CLOCK: variants seen among roughly 807,000 people sequenced by gnomAD.
The protein encoded by CLOCK is circadian locomoter output cycles protein kaput.
Under a neutral mutation model 118.4 loss-of-function variants are expected in CLOCK, and 43 were observed. That is an observed-to-expected ratio of 0.36 (90% confidence interval 0.28 to 0.47). CLOCK has a LOEUF of 0.47. Among genes scored for constraint, CLOCK ranks in the 20% least tolerant of loss-of-function variants. The pLI, the probability that CLOCK is intolerant of heterozygous loss-of-function variation, is 1.00. For synonymous variants in CLOCK, 326 were observed against 339.2 expected (o/e 0.96, Z 0.43); for missense variants, 846 against 999.9 (o/e 0.85, Z 2.08).
intron 9 of CLOCK, among the ~76,000 whole-genome samples, chr4:55,462,207 A>G (rs944514700): frequency 6.6e-6 from 1 of 152,190 alleles, no homozygotes; most frequent in Admixed American, 6.5e-5. Flanking sequence ...TTAGTTCTCC[A>G]GTCGATTTTA....
chr4:55,431,381 C>T lies in CLOCK; in HGVS notation c.*4034G>A, dbSNP rs1722489262. ...GTTATATACAAATATATTAAATATACTATAAAAATAGTCGATTCTATTCCT... is the reference window on the plus strand; with the variant it reads ...GTTATATACAAATATATTAAATATATTATAAAAATAGTCGATTCTATTCCT... On this transcript the variant is annotated 3_prime_UTR_variant, in exon 23 of 23. Transcript: ENST00000513440. 3.9e-5 allele frequency: 6 copies of T among 152,136 alleles called. No individual in the cohort carries two copies. In the South Asian group the frequency reaches 1.2e-3, roughly 32 times the overall value. The allele number at this position is 152,136 out of a possible 1,614,324, so 9.4% of individuals were successfully genotyped here.
intron 1 of CLOCK, among the ~76,000 whole-genome samples, chr4:55,522,734 CCT>C (rs1227606229): frequency 9.2e-5 from 14 of 152,060 alleles, no homozygotes; most frequent in East Asian, 5.8e-4. Flanking sequence ...GCACACTTTC[CCT>C]CTCTCATATA....
chr4:55,533,289 A>G (rs1730672906), intron 1 of CLOCK, among the ~76,000 whole-genome samples: 1 of 152,200 alleles, frequency 6.6e-6, no homozygotes, highest in African/African-American at 2.4e-5. Context: ...CTACAGACCA[A>G]TGGAACAGAA....
intron 1 of CLOCK, among the ~76,000 whole-genome samples, chr4:55,513,174 G>A (rs1005297231): frequency 6.6e-6 from 1 of 152,008 alleles, no homozygotes; most frequent in African/African-American, 2.4e-5. Flanking sequence ...TCTATATAAA[G>A]TATACCATCA....
chr4:55,539,212 G>C (rs1731093527), intron 1 of CLOCK, among the ~76,000 whole-genome samples: 1 of 150,076 alleles, frequency 6.7e-6, no homozygotes, highest in Non-Finnish European at 1.5e-5. Context: ...TCCAGCCTAA[G>C]CAACAGAACG....
At chr4:55,504,231 A>T (rs1166856260) in intron 2 of CLOCK, among the ~76,000 whole-genome samples, 4 of 139,850 alleles carry the variant, frequency 2.9e-5, no homozygotes, top group African/African-American at 1.1e-4. Context: ...GCTTGCAGTG[A>T]GCCAAGATCG....
intron 9 of CLOCK, among the ~76,000 whole-genome samples, chr4:55,461,531 G>A (rs1023358579): frequency 6.6e-6 from 1 of 152,204 alleles, no homozygotes; most frequent in African/African-American, 2.4e-5. Context: ...TGATCCATAA[G>A]ATCTCTGGTT....
Position 55,442,570 on chromosome 4 carries a change from G to A in CLOCK, c.1967C>T (p.Thr656Ile), listed in dbSNP as rs1483697702. ...QTSLPSQTQS[T>I]LTAPLYNTMV... Reference sequence around the variant, plus strand: ...AGTGTTATACAGTGGGGCTGTAAGAGTGCTCTGTGTCTGACTGGGTAGAGA... The same window carrying A: ...AGTGTTATACAGTGGGGCTGTAAGAATGCTCTGTGTCTGACTGGGTAGAGA... Residue 656 changes from threonine to isoleucine, a missense_variant, in exon 21 of 23, where the codon ACT becomes ATT. By Grantham distance (89) the Thr-to-Ile change is moderately conservative (BLOSUM62 -1). This residue lies in a region of CLOCK where 520 missense variants were observed against 558.0 expected (regional missense o/e 0.93). Transcript: ENST00000513440. The A allele has an allele frequency of 6.2e-7, 1 of 1,612,204 alleles. No individual in the cohort carries two copies. Among genetic ancestry groups the A allele is most frequent in the East Asian group, 2.2e-5 (1 of 44,786 alleles).
At position 55,434,921 on chromosome 4, in the gene CLOCK, T is replaced by A. The variant is rs1722762662; in HGVS notation, c.*494A>T. 1 of 181,058 alleles carries A rather than the reference T, an allele frequency of 5.5e-6. No individual in the cohort carries two copies. Among genetic ancestry groups the A allele is most frequent in the South Asian group, 1.3e-4 (1 of 7,876 alleles). 11.2% of individuals were successfully genotyped at this position (181,058 alleles called of 1,614,324 possible). On this transcript the variant is annotated 3_prime_UTR_variant, in exon 23 of 23. Transcript: ENST00000513440. ...ACAACATTCTGAAAGTAATTACTGTTCCATCATTATCTGAAAAGGGAGAGG... is the reference window on the plus strand; with the variant it reads ...ACAACATTCTGAAAGTAATTACTGTACCATCATTATCTGAAAAGGGAGAGG...
chr4:55,545,052 C>CT (rs34291520), intron 1 of CLOCK, among the ~76,000 whole-genome samples: 6,549 of 144,654 alleles, frequency 0.045, 441 homozygotes, highest in African/African-American at 0.15. Flanking sequence ...TTCAGGCTAA[C>CT]TTTTTTTTTT....
chr4:55,524,424 A>C (rs941653272), intron 1 of CLOCK, among the ~76,000 whole-genome samples: 3 of 151,988 alleles, frequency 2.0e-5, no homozygotes, highest in Non-Finnish European at 2.9e-5. Flanking sequence ...AAAACAAAAA[A>C]AAAGAAAAAA....
chr4:55,454,108 C>T (rs1440953008), intron 13 of CLOCK, among the ~76,000 whole-genome samples: 5 of 152,104 alleles, frequency 3.3e-5, no homozygotes, highest in African/African-American at 1.2e-4. Context: ...TTCCTCCTGC[C>T]TAGATATACA....
At chr4:55,448,651 C>A in intron 18 of CLOCK, 128 bp downstream of exon 18, 55 of 515,012 alleles carry the variant, frequency 1.1e-4, no homozygotes, top group Non-Finnish European at 1.6e-4. Flanking sequence ...TGTGCTCCTA[C>A]CTCAGCCTCC....
chr4:55,458,375 A>G (rs1725066138), intron 11 of CLOCK, among the ~76,000 whole-genome samples: 1 of 152,030 alleles, frequency 6.6e-6, no homozygotes, highest in African/African-American at 2.4e-5. Context: ...CCGAAATTTT[A>G]AATCTTAGCC....
chr4:55,451,222 GTTC>G (rs1473653468), intron 15 of CLOCK, among the ~76,000 whole-genome samples: 7 of 152,118 alleles, frequency 4.6e-5, no homozygotes, highest in South Asian at 2.1e-4. Context: ...CACAAAATCT[GTTC>G]TTATTGATCA....
intron 2 of CLOCK, among the ~76,000 whole-genome samples, chr4:55,507,314 A>G (rs1161446584): frequency 1.3e-5 from 2 of 151,924 alleles, no homozygotes; most frequent in Non-Finnish European, 1.5e-5. Flanking sequence ...TCTCAAAAAG[A>G]AAAAAAGGTA....
chr4:55,452,159 A>G (rs1421645647), intron 15 of CLOCK: 1 of 152,172 alleles, frequency 6.6e-6, no homozygotes, highest in Admixed American at 6.5e-5. Flanking sequence ...ATTTCCTTAT[A>G]TAATGCATAG....
intron 7 of CLOCK, among the ~76,000 whole-genome samples, chr4:55,471,247 A>G (rs987908943): frequency 2.6e-5 from 4 of 152,240 alleles, no homozygotes; most frequent in Non-Finnish European, 5.9e-5. Flanking sequence ...AAGGAGATAT[A>G]TGAAGAATAA....
chr4:55,448,938 T>C (rs1577696626), intron 17 of CLOCK, 70 bp from the exon 18 acceptor site: 2 of 1,161,402 alleles, frequency 1.7e-6, no homozygotes, highest in East Asian at 4.8e-5. Context: ...AGCAGAAATA[T>C]CAATATGATA....
Sources: gnomAD v4.1 joint callset for allele counts (sites outside exome capture counted in the v4.1 genomes callset) on GRCh38, gnomAD v4.1.1 for gene constraint, gnomAD v4.1.1 regional missense constraint, MANE v1.5 for transcripts, NCBI Gene and HGNC (gene_info 2026-07-23, HGNC 2026-07-21) for gene names.